PDE7B: variants seen among roughly 807,000 people sequenced by gnomAD.
The protein encoded by PDE7B is phosphodiesterase 7B.
A neutral mutation model predicts 56.2 loss-of-function variants in PDE7B; 29 were observed. The ratio of observed to expected loss-of-function variants is 0.52; its 90% CI spans 0.38 to 0.70. PDE7B has a LOEUF of 0.70. Ranked by LOEUF, PDE7B falls within the 30% of genes least tolerant of loss-of-function variation. PDE7B has a pLI of 0.00. For missense variants in PDE7B, 490 were observed against 565.0 expected (o/e 0.87, Z 1.35); for synonymous variants, 197 against 196.9 (o/e 1.00, Z 0.00).
intron 2 of PDE7B, chr6:135,992,043 C>T (rs926861497): frequency 6.6e-6 from 1 of 152,106 alleles, no homozygotes; most frequent in Non-Finnish European, 1.5e-5. Context: ...TCCTCTTCAT[C>T]ATCACTATGA....
At chr6:136,116,502 T>C (rs528441852) in intron 3 of PDE7B, among the ~76,000 whole-genome samples, 1 of 152,312 alleles carries the variant, frequency 6.6e-6, no homozygotes, top group East Asian at 1.9e-4. Flanking sequence ...GCTGTAGAGA[T>C]GATAGTGTAA....
intron 2 of PDE7B, among the ~76,000 whole-genome samples, chr6:135,978,548 C>G (rs1562458586): frequency 6.6e-6 from 1 of 152,008 alleles, no homozygotes; most frequent in African/African-American, 2.4e-5. Context: ...ACTTATTACT[C>G]TTTTATAATT....
chr6:135,980,237 T>C (rs1775271551), intron 2 of PDE7B, among the ~76,000 whole-genome samples: 1 of 152,210 alleles, frequency 6.6e-6, no homozygotes, highest in South Asian at 2.1e-4. Flanking sequence ...TGGCTAGCCA[T>C]ATGTAGGAAG....
intron 2 of PDE7B, among the ~76,000 whole-genome samples, chr6:135,963,162 G>A (rs6905776): frequency 0.68 from 102,719 of 152,044 alleles, 34,971 homozygotes; most frequent in African/African-American, 0.75. Flanking sequence ...ATATACACAT[G>A]GAGACACAGC....
intron 1 of PDE7B, among the ~76,000 whole-genome samples, chr6:135,903,464 G>C (rs751934165): frequency 6.6e-6 from 1 of 152,174 alleles, no homozygotes; most frequent in Non-Finnish European, 1.5e-5. Flanking sequence ...GTCTGAGCTA[G>C]AATGAGGGGC....
chr6:136,189,814 C>T (rs762654224), intron 12 of PDE7B, among the ~76,000 whole-genome samples: 65 of 151,862 alleles, frequency 4.3e-4, no homozygotes, highest in Middle Eastern at 3.4e-3. Flanking sequence ...GCAGAACACA[C>T]TGATGGAACA....
intron 1 of PDE7B, among the ~76,000 whole-genome samples, chr6:135,915,135 T>G: frequency 6.6e-6 from 1 of 152,098 alleles, no homozygotes. Context: ...TTCATCAGTA[T>G]TCTTTTTCAT....
At chr6:135,960,826 G>A (rs528132838) in intron 2 of PDE7B, among the ~76,000 whole-genome samples, 79 of 152,284 alleles carry the variant, frequency 5.2e-4, no homozygotes, top group African/African-American at 1.6e-3. Context: ...AAATTAAAGA[G>A]TATATTCTTT....
chr6:135,947,636 C>A (rs1419590336), intron 2 of PDE7B, 112 bp downstream of exon 2: 2 of 748,398 alleles, frequency 2.7e-6, no homozygotes, highest in African/African-American at 1.7e-5. Flanking sequence ...CTGATAGGTT[C>A]TTTTGTGGTT....
intron 3 of PDE7B, among the ~76,000 whole-genome samples, chr6:136,140,917 A>G (rs1019318376): frequency 6.6e-6 from 1 of 151,936 alleles, no homozygotes; most frequent in Non-Finnish European, 1.5e-5. Context: ...GCAAACAGGG[A>G]CAATTTGACT....
chr6:136,037,653 T>C, intron 2 of PDE7B: 1 of 985,440 alleles, frequency 1.0e-6, no homozygotes, highest in Non-Finnish European at 1.2e-6. Context: ...GGCCTGAGCC[T>C]GTACCACAGG....
At chr6:136,060,520 T>C (rs183132944) in intron 2 of PDE7B, among the ~76,000 whole-genome samples, 2 of 152,290 alleles carry the variant, frequency 1.3e-5, no homozygotes, top group Admixed American at 1.3e-4. Context: ...ATTGTGGTAA[T>C]ATAAACAATA....
chr6:135,928,493 A>ATTTATT (rs1321464206), intron 1 of PDE7B, among the ~76,000 whole-genome samples: 6 of 102,402 alleles, frequency 5.9e-5, no homozygotes, highest in Admixed American at 1.2e-4. Context: ...TTATTTATAT[A>ATTTATT]TATATATTTA....
intron 2 of PDE7B, among the ~76,000 whole-genome samples, chr6:135,953,066 T>A (rs577459544): frequency 2.0e-4 from 30 of 152,274 alleles, no homozygotes; most frequent in Admixed American, 5.9e-4. Context: ...TGATTTTTTT[T>A]AAAAACATGT....
intron 2 of PDE7B, among the ~76,000 whole-genome samples, chr6:135,956,235 C>A (rs761573341): frequency 6.6e-6 from 1 of 151,828 alleles, no homozygotes; most frequent in Non-Finnish European, 1.5e-5. Context: ...ATAGAGTGGG[C>A]AGAAAGATAA....
intron 2 of PDE7B, among the ~76,000 whole-genome samples, chr6:136,102,788 T>C (rs1205040116): frequency 6.6e-6 from 1 of 152,210 alleles, no homozygotes; most frequent in African/African-American, 2.4e-5. Context: ...GTCTAAAACC[T>C]GCCTTACCTT....
intron 2 of PDE7B, among the ~76,000 whole-genome samples, chr6:135,954,017 G>T (rs1451137680): frequency 6.6e-6 from 1 of 152,136 alleles, no homozygotes; most frequent in Non-Finnish European, 1.5e-5. Flanking sequence ...TTCTTACTCT[G>T]CCCAAAGAGG....
At chr6:135,905,037 C>A (rs530444263) in intron 1 of PDE7B, among the ~76,000 whole-genome samples, 2 of 152,286 alleles carry the variant, frequency 1.3e-5, no homozygotes, top group African/African-American at 4.8e-5. Flanking sequence ...TTTGCTGTCA[C>A]CATCTTGAAA....
At position 136,152,958 on chromosome 6, in the gene PDE7B, C is replaced by A. The variant is rs914143581; in HGVS notation, c.479-1117C>A. 2.3e-4 allele frequency among the ~76,000 whole-genome samples: 35 copies of A among 152,188 alleles called. 1 individual carries two copies. Among genetic ancestry groups the A allele is most frequent in the Admixed American group, 2.2e-3 (33 of 15,268 alleles). On this transcript the variant is annotated intron_variant, in intron 6 of 12. Transcript: ENST00000308191. Reference sequence around the variant, plus strand: ...CAGAGGAGGAAACTGAGGGAACTTGCAGTTAAGTAACTTGCCCAATACAGA... The same window carrying A: ...CAGAGGAGGAAACTGAGGGAACTTGAAGTTAAGTAACTTGCCCAATACAGA...
Sources: gnomAD v4.1 joint callset for allele counts (sites outside exome capture counted in the v4.1 genomes callset) on GRCh38, gnomAD v4.1.1 for gene constraint, MANE v1.5 for transcripts, NCBI Gene and HGNC (gene_info 2026-07-23, HGNC 2026-07-21) for gene names.